Variants in TSC1 observed in about 807,000 individuals in gnomAD.
The protein encoded by TSC1 is hamartin.
In TSC1, 20 loss-of-function variants were observed where a neutral mutation model predicts 124.3. The observed-to-expected ratio is 0.16, with a 90% CI of 0.11 to 0.23. The LOEUF (loss-of-function observed/expected upper bound fraction) is 0.23, where lower values mean the gene tolerates loss of function less well. Among genes scored for constraint, TSC1 ranks in the 10% least tolerant of loss-of-function variants. The pLI, the probability that TSC1 is intolerant of heterozygous loss-of-function variation, is 1.00. For missense variants in TSC1, 1,124 were observed against 1,448.5 expected, an observed-to-expected ratio of 0.78 and a Z score of 3.64; for synonymous variants, 493 against 539.1, an observed-to-expected ratio of 0.91 and a Z score of 1.19.
chr9:132,905,475 C>T, intron 15 of TSC1, 106 bp downstream of exon 15: 4 of 1,522,002 alleles, frequency 2.6e-6, no homozygotes, highest in East Asian at 2.3e-5. Flanking sequence ...AACCAGCTGC[C>T]TCAAGGTGGG....
intron 8 of TSC1, chr9:132,912,762 C>G: frequency 2.6e-6 from 1 of 382,428 alleles, no homozygotes; most frequent in Non-Finnish European, 4.9e-6. Flanking sequence ...AGCAGAGCAG[C>G]AGGCAGGGAA....
chr9:132,905,942 C>A lies in TSC1; in HGVS notation c.1636G>T (p.Asp546Tyr), dbSNP rs774671298. 13 of 1,613,928 alleles carry A rather than the reference C, an allele frequency of 8.1e-6. No individual in the cohort carries two copies. The South Asian group carries it at 1.1e-4, about 14-fold the overall frequency. Residue 546 changes from aspartate (D) to tyrosine (Y), a missense_variant, in exon 15 of 23, where the codon GAC becomes TAC. Around this residue, in one of 5 missense-constraint regions of TSC1, gnomAD observed 321 missense variants for 397.4 expected, o/e 0.81. Transcript: ENST00000298552. ...LHSSLDKLGPDTPKQAFTPID... is the reference protein window; with the variant it reads ...LHSSLDKLGPYTPKQAFTPID... Reference sequence around the variant, plus strand: ...GGAGTAAAGGCTTGCTTTGGTGTGTCAGGCCCAAGCTTGTCCAGGGAGGAG... The same window carrying A: ...GGAGTAAAGGCTTGCTTTGGTGTGTAAGGCCCAAGCTTGTCCAGGGAGGAG...
intron 8 of TSC1, among the ~76,000 whole-genome samples, chr9:132,915,376 GA>G (rs1354140444): frequency 1.3e-5 from 2 of 151,900 alleles, no homozygotes; most frequent in Non-Finnish European, 2.9e-5. Context: ...AATCTTAAAA[GA>G]AAAAAAGACA....
At chr9:132,904,010 A>C (rs1845521943) in intron 16 of TSC1, among the ~76,000 whole-genome samples, 193 bp from the exon 17 acceptor site, 1 of 152,126 alleles carries the variant, frequency 6.6e-6, no homozygotes, top group Non-Finnish European at 1.5e-5. Flanking sequence ...CCCGTGAAGG[A>C]ATGCAAAAGG....
chr9:132,911,082 C>T lies in TSC1; in HGVS notation c.1061G>A (p.Gly354Asp), dbSNP rs2131962534. The T allele has an allele frequency of 6.2e-7, 1 of 1,614,088 alleles. No homozygotes were observed. Among genetic ancestry groups the T allele is most frequent in the Non-Finnish European group, 8.5e-7 (1 of 1,180,018 alleles). ...ATLWSPSMVC[G>D]MTTPPTSPGN... ...AGGAGAAGTTGGAGGAGTGGTCATACCACAAACCATAGATGGGCTCCAAAG... is the reference window on the plus strand; with the variant it reads ...AGGAGAAGTTGGAGGAGTGGTCATATCACAAACCATAGATGGGCTCCAAAG... The change falls in exon 11 of 23, where the codon GGT (glycine) becomes GAT (aspartate). Residue 354 changes from glycine to aspartate, a missense_variant. Gly to Asp is a moderately conservative substitution (Grantham distance 94). Transcript: ENST00000298552.
At chr9:132,897,664 G>GAA in intron 20 of TSC1, 54 bp from the exon 21 acceptor site, 1 of 1,553,846 alleles carries the variant, frequency 6.4e-7, no homozygotes. Flanking sequence ...AAATAAACAT[G>GAA]CTGTATCCAT....
At chr9:132,901,760 A>G in intron 18 of TSC1, 61 bp from the exon 19 acceptor site, 1 of 1,464,924 alleles carries the variant, frequency 6.8e-7, no homozygotes, top group East Asian at 2.3e-5. Context: ...TCACAGGCCT[A>G]CCTAGCCACC....
chr9:132,928,730 C>A, intron 3 of TSC1, 37 bp downstream of exon 3: 1 of 1,611,370 alleles, frequency 6.2e-7, no homozygotes, highest in Non-Finnish European at 8.5e-7. Context: ...TCTCTTCTTT[C>A]TAGAAGATAA....
chr9:132,923,476 A>G lies in TSC1; in HGVS notation c.380T>C (p.Val127Ala), dbSNP rs1444696723. 2 of 1,614,050 alleles carry G rather than the reference A, an allele frequency of 1.2e-6. No individual in the cohort carries two copies. Among genetic ancestry groups the G allele is most frequent in the African/African-American group, 2.7e-5 (2 of 74,938 alleles). Residue 127 changes from valine to alanine, a missense_variant, in exon 6 of 23, where the codon GTT (valine) becomes GCT (alanine). Coordinates refer to ENST00000298552, the MANE Select transcript of TSC1 (RefSeq NM_000368.5). The surrounding 1 kb of genome is among the most constrained non-coding windows in gnomAD (Gnocchi z 4.2). Reference sequence around the variant, plus strand: ...CACCAAGACGCCTGTTGTGAGGACAACGACGTCAGTGTCCATCTGCAGGAG... The same window carrying G: ...CACCAAGACGCCTGTTGTGAGGACAGCGACGTCAGTGTCCATCTGCAGGAG... ...LKCLKMDTDV[V>A]VLTTGVLVLI...
In TSC1 at chr9:132,910,638, G is replaced by A. The variant is rs761014195; in HGVS notation, c.1196C>T (p.Pro399Leu). The A allele has an allele frequency of 1.2e-6, 2 of 1,613,990 alleles. No homozygotes were observed. The highest frequency in any genetic ancestry group is 2.7e-5 in the African/African-American group (2 of 74,914). Residue 399 changes from proline (P) to leucine (L), a missense_variant, in exon 12 of 23, where the codon CCA becomes CTA. Around this residue, in one of 5 missense-constraint regions of TSC1, gnomAD observed 463 missense variants for 606.8 expected, o/e 0.76. Coordinates refer to ENST00000298552, the MANE Select transcript of TSC1 (RefSeq NM_000368.5). ...CACGTAGTCATCCGAATGACAGAGT[G>A]GGGCTGGAGGAGGAGAGGTTGCTGG... ...GTPATSPPPA[P>L]LCHSDDYVHI...
intron 8 of TSC1, among the ~76,000 whole-genome samples, chr9:132,913,495 TTTC>T (rs1168088928): frequency 1.3e-5 from 2 of 152,230 alleles, no homozygotes; most frequent in African/African-American, 4.8e-5. Flanking sequence ...CTTTGGGTTA[TTTC>T]TTCTTTCCAT....
chr9:132,895,859 G>A lies in TSC1; in HGVS notation c.*376C>T, dbSNP rs114064768. ...GAGCCAACCCAGTTATCTGAACTTC[G>A]GGAAAGCAGAAAGTGGTGTGTTAGA... On this transcript the variant is annotated 3_prime_UTR_variant, in exon 23 of 23. Coordinates refer to ENST00000298552, the MANE Select transcript of TSC1 (RefSeq NM_000368.5). 4,462 of 337,068 alleles carry A rather than the reference G, an allele frequency of 0.013. 149 individuals are homozygous for A. Among genetic ancestry groups the A allele is most frequent in the African/African-American group, 0.078 (3,786 of 48,328 alleles). 20.9% of individuals were successfully genotyped at this position (337,068 alleles called of 1,614,324 possible). A position where few individuals can be genotyped will look rare whatever the true frequency, so the allele number is the denominator to read the frequency against.
intron 1 of TSC1, chr9:132,941,598 G>A (rs1847742237): frequency 6.6e-6 from 1 of 152,082 alleles, no homozygotes; most frequent in Non-Finnish European, 1.5e-5. Flanking sequence ...TTTCTTTCAC[G>A]CCTTCAGCTA....
chr9:132,891,603 TA>T lies in TSC1; in HGVS notation c.*4631del, dbSNP rs60000611. 655 of 233,420 alleles carry T rather than the reference TA, an allele frequency of 2.8e-3. 6 individuals are homozygous for T. Among genetic ancestry groups the T allele is most frequent in the African/African-American group, 0.012 (536 of 45,414 alleles). 14.5% of individuals were successfully genotyped at this position (233,420 alleles called of 1,614,324 possible). A position where few individuals can be genotyped will look rare whatever the true frequency, so the allele number is the denominator to read the frequency against. ...TTCAATTTAACTAAAAGCAGTCCGT[TA>T]AAAAAAATCAGTTTCTTTCACTGAT... On this transcript the variant is annotated 3_prime_UTR_variant, in exon 23 of 23. Coordinates refer to ENST00000298552, the MANE Select transcript of TSC1 (RefSeq NM_000368.5).
intron 5 of TSC1, chr9:132,924,717 T>A (rs1355788548): frequency 2.0e-5 from 3 of 152,258 alleles, no homozygotes; most frequent in African/African-American, 7.2e-5. Flanking sequence ...TCAATCCATT[T>A]GTTTAAAAAA....
At chr9:132,940,141 T>G (rs1265286870) in intron 1 of TSC1, among the ~76,000 whole-genome samples, 1 of 152,118 alleles carries the variant, frequency 6.6e-6, no homozygotes, top group African/African-American at 2.4e-5. Context: ...CGTAGCAGGT[T>G]ACATACCTGG....
intron 1 of TSC1, among the ~76,000 whole-genome samples, chr9:132,938,063 T>C (rs1270581475): frequency 1.3e-5 from 2 of 152,202 alleles, no homozygotes; most frequent in East Asian, 3.8e-4. Flanking sequence ...TTTTAATTTC[T>C]TTATTACTGC....
In TSC1 at chr9:132,905,760, A is replaced by T. The variant is rs758769193; in HGVS notation, c.1818T>A (p.His606Gln). The T allele has an allele frequency of 6.2e-7, 1 of 1,614,232 alleles. No homozygotes were observed. The highest frequency in any genetic ancestry group is 1.7e-5 in the Admixed American group (1 of 60,036). The change falls in exon 15 of 23, where the codon CAT becomes CAA. Residue 606 changes from histidine (H) to glutamine (Q), a missense_variant. This residue lies in a region of TSC1 where 321 missense variants were observed against 397.4 expected (regional missense o/e 0.81). Transcript: ENST00000298552. ...TCTTTGGCAATGCCACCTCAAAAAG[A>T]TGATCATACGGGGGAGGCTGCCCGC... The part of the protein sequence containing the change: ...FGSGQPPPYD[H>Q]LFEVALPKTA...
At position 132,892,050 on chromosome 9, in the gene TSC1, G is replaced by C. The variant is rs1273386149; in HGVS notation, c.*4185C>G. On this transcript the variant is annotated 3_prime_UTR_variant, in exon 23 of 23. Transcript: ENST00000298552. Reference sequence around the variant, plus strand: ...TTCATGACCAGAAGCCATGGGCACAGGTGCTCGGCTCTTCCAGGCAGGCTT... The same window carrying C: ...TTCATGACCAGAAGCCATGGGCACACGTGCTCGGCTCTTCCAGGCAGGCTT... The C allele has an allele frequency of 4.3e-6, 1 of 233,198 alleles. No homozygotes were observed. Among genetic ancestry groups the C allele is most frequent in the East Asian group, 6.0e-5 (1 of 16,574 alleles). 14.4% of individuals were successfully genotyped at this position (233,198 alleles called of 1,614,324 possible). A position where few individuals can be genotyped will look rare whatever the true frequency, so the allele number is the denominator to read the frequency against.
Sources: gnomAD v4.1 joint callset for allele counts (sites outside exome capture counted in the v4.1 genomes callset) on GRCh38, gnomAD v4.1.1 for gene constraint, gnomAD v4.1.1 regional missense constraint, Gnocchi (gnomAD v3.1) non-coding constraint, MANE v1.5 for transcripts, NCBI Gene and HGNC (gene_info 2026-07-23, HGNC 2026-07-21) for gene names.